Variants in SENP7 observed in about 807,000 individuals in gnomAD.
SENP7 encodes the protein SUMO specific peptidase 7.
Under a neutral mutation model 141.2 loss-of-function variants are expected in SENP7, and 64 were observed. The ratio of observed to expected loss-of-function variants is 0.45; its 90% CI spans 0.37 to 0.56. The LOEUF (loss-of-function observed/expected upper bound fraction) is 0.56. Ranked by LOEUF, SENP7 falls within the 20% of genes least tolerant of loss-of-function variation. The pLI is 0.00. For synonymous variants in SENP7, 382 were observed against 426.4 expected (o/e 0.90, Z 1.28); for missense variants, 1,025 against 1,212.2 (o/e 0.85, Z 2.29).
intron 11 of SENP7, among the ~76,000 whole-genome samples, chr3:101,360,024 A>G (rs2059852692): frequency 6.6e-6 from 1 of 152,134 alleles, no homozygotes; most frequent in Admixed American, 6.5e-5. Flanking sequence ...TTTTGCCATC[A>G]AAAAGAACTC....
chr3:101,498,978 C>A (rs1286759685), intron 2 of SENP7, among the ~76,000 whole-genome samples: 1 of 152,152 alleles, frequency 6.6e-6, no homozygotes, highest in Non-Finnish European at 1.5e-5. Context: ...GTCCCTGGTG[C>A]CAAACAGGTT....
In SENP7 at chr3:101,372,068, T is replaced by C. The variant is rs143247745; in HGVS notation, c.736A>G (p.Lys246Glu). 9 of 1,569,098 alleles carry C rather than the reference T, an allele frequency of 5.7e-6. No homozygotes were observed. The highest frequency in any genetic ancestry group is 7.8e-6 in the Non-Finnish European group (9 of 1,150,652). Residue 246 changes from lysine to glutamate, a missense_variant, in exon 7 of 24, where the codon AAA becomes GAA. Around this residue, in one of 4 missense-constraint regions of SENP7, gnomAD observed 496 missense variants for 503.5 expected, o/e 0.99. Transcript: ENST00000394095. ...DNSAKQTAHN[K>E]EKRRKDDGIS... ...CCATCATCCTTTCTTCGTTTTTCTT[T>C]ATTGTGCGCAGTCTGCTTTGCAGAA...
In SENP7 at chr3:101,463,400, T is replaced by TATATATATATATATATACACAC. The variant is rs2063650747; in HGVS notation, c.187-4370_187-4349dup. 1.0e-4 allele frequency among the ~76,000 whole-genome samples: 8 copies of TATATATATATATATATACACAC among 77,994 alleles called. No homozygotes were observed. The South Asian group carries it at 1.3e-3, about 13-fold the overall frequency. The allele number at this position is 77,994 out of a possible 152,430, so 51.2% of individuals were successfully genotyped here. A position where few individuals can be genotyped will look rare whatever the true frequency, so the allele number is the denominator to read the frequency against. ...ATATATATATATATATATATATACA[T>TATATATATATATATATACACAC]ATATATATATATATATACACACACA... On this transcript the variant is annotated intron_variant, in intron 3 of 23. Coordinates refer to ENST00000394095, the MANE Select transcript of SENP7 (RefSeq NM_020654.5).
chr3:101,333,677 A>G (rs1177488859), intron 17 of SENP7, among the ~76,000 whole-genome samples: 1 of 152,094 alleles, frequency 6.6e-6, no homozygotes, highest in African/African-American at 2.4e-5. Context: ...TGTACCTACC[A>G]CTCATCCATC....
intron 10 of SENP7, among the ~76,000 whole-genome samples, chr3:101,364,596 G>A (rs971955984): frequency 6.6e-6 from 1 of 152,130 alleles, no homozygotes; most frequent in Admixed American, 6.5e-5. Flanking sequence ...AAATATTCAA[G>A]TAATAGACTA....
In SENP7 at chr3:101,465,968, T is replaced by C. The variant is rs77840090; in HGVS notation, c.187-6916A>G. ...GATATCATTTAAAACGTCCTACAAC[T>C]GAAGATTTCAATGAAATATAAAATA... On this transcript the variant is annotated intron_variant, in intron 3 of 23. Coordinates refer to ENST00000394095, the MANE Select transcript of SENP7 (RefSeq NM_020654.5). 9.8e-3 allele frequency among the ~76,000 whole-genome samples: 1,490 copies of C among 152,164 alleles called. 28 individuals carry two copies. The highest frequency in any genetic ancestry group is 0.034 in the African/African-American group (1,409 of 41,518).
At chr3:101,347,827 A>C (rs1380684758) in intron 13 of SENP7, 45 bp downstream of exon 13, 20 of 960,384 alleles carry the variant, frequency 2.1e-5, no homozygotes, top group Non-Finnish European at 2.8e-5. Flanking sequence ...ACTATTTATG[A>C]CAATTTCAAG....
At chr3:101,330,184 C>T in intron 20 of SENP7, 150 bp downstream of exon 20, 1 of 523,000 alleles carries the variant, frequency 1.9e-6, no homozygotes, top group Non-Finnish European at 3.4e-6. Context: ...TCGTTCTCTT[C>T]CCCAGCCCCA....
chr3:101,455,282 T>C (rs888205925), intron 4 of SENP7, among the ~76,000 whole-genome samples: 2 of 152,188 alleles, frequency 1.3e-5, no homozygotes, highest in African/African-American at 4.8e-5. Flanking sequence ...AACATTCCTC[T>C]CCATTATAGT....
chr3:101,411,727 G>A (rs2107632250), intron 5 of SENP7, among the ~76,000 whole-genome samples: 1 of 152,314 alleles, frequency 6.6e-6, no homozygotes, highest in Non-Finnish European at 1.5e-5. Context: ...TCTGAATCTG[G>A]AAGGAAGAAC....
intron 6 of SENP7, among the ~76,000 whole-genome samples, chr3:101,382,333 C>A (rs991587795): frequency 6.6e-6 from 1 of 152,038 alleles, no homozygotes; most frequent in Admixed American, 6.6e-5. Flanking sequence ...CACAGTACTG[C>A]ACCTGACTAA....
chr3:101,464,773 T>C (rs1327200463), intron 3 of SENP7, among the ~76,000 whole-genome samples: 4 of 152,058 alleles, frequency 2.6e-5, no homozygotes, highest in Middle Eastern at 3.4e-3. Flanking sequence ...CCTGGATCCA[T>C]AGAAAAATTG....
At chr3:101,387,302 T>C (rs2060685646) in intron 6 of SENP7, among the ~76,000 whole-genome samples, 2 of 151,890 alleles carry the variant, frequency 1.3e-5, no homozygotes, top group Admixed American at 1.3e-4. Context: ...GGCCTGACAA[T>C]AGGCCTACCC....
Position 101,433,330 on chromosome 3 carries a change from G to A in SENP7, c.285-15540C>T, listed in dbSNP as rs2062255148. 5.0e-5 allele frequency among the ~76,000 whole-genome samples: 6 copies of A among 120,968 alleles called. No individual in the cohort carries two copies. In the South Asian group the frequency reaches 8.0e-4, roughly 16 times the overall value. The allele number at this position is 120,968 out of a possible 152,430, so 79.4% of individuals were successfully genotyped here. A position where few individuals can be genotyped will look rare whatever the true frequency, so the allele number is the denominator to read the frequency against. ...CACCTTCACTAGAGGAAGACAGGAA[G>A]GAAAAAAAAAAGGAAAAAAAAAAAC... On this transcript the variant is annotated intron_variant, in intron 4 of 23. Coordinates refer to ENST00000394095, the MANE Select transcript of SENP7 (RefSeq NM_020654.5).
chr3:101,501,177 G>T, intron 1 of SENP7, 58 bp from the exon 2 acceptor site: 2 of 1,118,080 alleles, frequency 1.8e-6, no homozygotes, highest in Non-Finnish European at 2.7e-6. Context: ...GAGATAAACA[G>T]TTTGACAAAG....
chr3:101,367,977 G>A lies in SENP7; in HGVS notation c.831C>T (p.Leu277=), dbSNP rs1442754695. 22 of 1,612,238 alleles carry A rather than the reference G, an allele frequency of 1.4e-5. No individual in the cohort carries two copies. Among genetic ancestry groups the A allele is most frequent in the East Asian group, 2.2e-5 (1 of 44,694 alleles). ...CATCCTTGTTTCTGCTTTCCTGTTCGAGATGATCACAACCTCTACTTCCAC... is the reference window on the plus strand; with the variant it reads ...CATCCTTGTTTCTGCTTTCCTGTTCAAGATGATCACAACCTCTACTTCCAC... ...LNSGSRGCDH[L]EQESRNKDVK... Residue 277 remains leucine, a synonymous_variant, in exon 8 of 24, where the codon CTC becomes CTT. Transcript: ENST00000394095.
intron 5 of SENP7, among the ~76,000 whole-genome samples, chr3:101,410,845 A>AAAAATAAAAT (rs139753697): frequency 0.022 from 2,784 of 126,162 alleles, 90 homozygotes; most frequent in African/African-American, 0.064. Context: ...ATTCTGTCTC[A>AAAAATAAAAT]AAAATAAAAT....
intron 5 of SENP7, among the ~76,000 whole-genome samples, chr3:101,415,790 C>T (rs112750904): frequency 2.7e-4 from 39 of 144,644 alleles, no homozygotes; most frequent in African/African-American, 8.7e-4. Context: ...CAGCATGGCA[C>T]CTTATTGTTT....
At chr3:101,350,878 T>C (rs977936092) in intron 12 of SENP7, among the ~76,000 whole-genome samples, 2 of 152,006 alleles carry the variant, frequency 1.3e-5, no homozygotes, top group Admixed American at 6.6e-5. Flanking sequence ...TTAATTAAGA[T>C]ACAGTAAGCA....
Sources: gnomAD v4.1 joint callset for allele counts (sites outside exome capture counted in the v4.1 genomes callset) on GRCh38, gnomAD v4.1.1 for gene constraint, gnomAD v4.1.1 regional missense constraint, MANE v1.5 for transcripts, NCBI Gene and HGNC (gene_info 2026-07-23, HGNC 2026-07-21) for gene names.